Variants in ATP9A observed in about 807,000 individuals in gnomAD.
ATP9A encodes probable phospholipid-transporting ATPase IIA.
Under a neutral mutation model 144.1 loss-of-function variants are expected in ATP9A, and 52 were observed. The observed-to-expected ratio is 0.36, with a 90% CI of 0.29 to 0.45. ATP9A has a LOEUF of 0.45. Ranked by LOEUF, ATP9A falls within the 20% of genes least tolerant of loss-of-function variation. The pLI is 1.00. For missense variants in ATP9A, 947 were observed against 1,392.7 expected, an observed-to-expected ratio of 0.68 and a Z score of 5.09; for synonymous variants, 582 against 557.4, an observed-to-expected ratio of 1.04 and a Z score of -0.62.
intron 14 of ATP9A, among the ~76,000 whole-genome samples, chr20:51,656,210 TG>T (rs2077386129): frequency 1.9e-5 from 2 of 107,024 alleles, no homozygotes; most frequent in Admixed American, 2.1e-4. Flanking sequence ...TTGATTGTGA[TG>T]ATGGTTGCAA....
chr20:51,761,185 G>GA (rs2077878826), intron 1 of ATP9A, among the ~76,000 whole-genome samples: 1 of 152,142 alleles, frequency 6.6e-6, no homozygotes, highest in South Asian at 2.1e-4. Flanking sequence ...CATGAAAGAG[G>GA]AAACATGAGT....
chr20:51,760,610 C>A (rs971574477), intron 1 of ATP9A, among the ~76,000 whole-genome samples: 2 of 151,890 alleles, frequency 1.3e-5, no homozygotes, highest in Non-Finnish European at 2.9e-5. Context: ...ATGTGTAATC[C>A]CAGCTACTTG....
At position 51,768,358 on chromosome 20, in the gene ATP9A, G is replaced by A. The variant is rs1402237596; in HGVS notation, c.12C>T (p.Asn4=). The A allele has an allele frequency of 7.0e-6, 9 of 1,287,066 alleles. No homozygotes were observed. Among genetic ancestry groups the A allele is most frequent in the Non-Finnish European group, 8.9e-6 (9 of 1,007,032 alleles). The allele number at this position is 1,287,066 out of a possible 1,614,324, so 79.7% of individuals were successfully genotyped here. A position where few individuals can be genotyped will look rare whatever the true frequency, so the allele number is the denominator to read the frequency against. Residue 4 remains asparagine, a synonymous_variant, in exon 1 of 28, where the codon AAC becomes AAT. Transcript: ENST00000338821. ...TCTGGCGCACCGGCTGCAGCGGGAT[G>A]TTGTCCGTCATGTCGGCGGCGCCGC... The part of the protein sequence containing the change: MTD[N]IPLQPVRQKK...
chr20:51,652,281 C>T (rs548313457), intron 14 of ATP9A, among the ~76,000 whole-genome samples: 1 of 152,188 alleles, frequency 6.6e-6, no homozygotes, highest in Non-Finnish European at 1.5e-5. Context: ...AGGCTGTAAT[C>T]GATAGCTGAA....
At chr20:51,608,062 AATTAAC>A (rs2077170726) in intron 25 of ATP9A, among the ~76,000 whole-genome samples, 1 of 148,462 alleles carries the variant, frequency 6.7e-6, no homozygotes, top group African/African-American at 2.4e-5. Flanking sequence ...AAAAAAAAAG[AATTAAC>A]ATTAAAATTA....
At chr20:51,698,328 A>AGCCTGGCCACATGTCAAAACC (rs2077579036) in intron 4 of ATP9A, among the ~76,000 whole-genome samples, 1 of 152,248 alleles carries the variant, frequency 6.6e-6, no homozygotes, top group Non-Finnish European at 1.5e-5. Context: ...GTTCCAAACC[A>AGCCTGGCCACATGTCAAAACC]GCCTGGCCAC....
intron 4 of ATP9A, among the ~76,000 whole-genome samples, chr20:51,698,499 AAC>A (rs1356440890): frequency 6.6e-6 from 1 of 152,184 alleles, no homozygotes; most frequent in Admixed American, 6.5e-5. Context: ...CGGCCTGGGC[AAC>A]AGTGAGACCC....
chr20:51,675,264 G>A (rs1246192508), intron 10 of ATP9A, among the ~76,000 whole-genome samples: 1 of 152,190 alleles, frequency 6.6e-6, no homozygotes. Flanking sequence ...TGGCTGTAAC[G>A]TCTAATGGTG....
At position 51,699,930 on chromosome 20, in the gene ATP9A, T is replaced by C. The variant is rs1601113130; in HGVS notation, c.437-2448A>G. Among the ~76,000 whole-genome samples the C allele has an allele frequency of 1.3e-5, 2 of 152,022 alleles. 1 individual carries two copies. Among genetic ancestry groups the C allele is most frequent in the South Asian group, 4.2e-4 (2 of 4,772 alleles). Reference sequence around the variant, plus strand: ...TGCTGGGATTACAGGCATGAGCCACTGCGCCCGGCCAACACTACTGACTTC... The same window carrying C: ...TGCTGGGATTACAGGCATGAGCCACCGCGCCCGGCCAACACTACTGACTTC... On this transcript the variant is annotated intron_variant, in intron 4 of 27. Coordinates refer to ENST00000338821, the MANE Select transcript of ATP9A (RefSeq NM_006045.3).
intron 27 of ATP9A, among the ~76,000 whole-genome samples, chr20:51,603,073 AT>A (rs11349706): frequency 0.43 from 64,726 of 151,834 alleles, 14,050 homozygotes; most frequent in South Asian, 0.58. Flanking sequence ...GGGGGTTGTC[AT>A]TAACTGAAAG....
At chr20:51,621,486 C>T (rs192123458) in intron 19 of ATP9A, among the ~76,000 whole-genome samples, 3 of 152,226 alleles carry the variant, frequency 2.0e-5, no homozygotes, top group Admixed American at 1.3e-4. Context: ...CCCCCTACCT[C>T]CCCAATGCAA....
chr20:51,646,079 T>C (rs985734629), intron 14 of ATP9A, among the ~76,000 whole-genome samples: 1 of 152,222 alleles, frequency 6.6e-6, no homozygotes, highest in Non-Finnish European at 1.5e-5. Context: ...CTCAGGAGTC[T>C]GTTGTGTTTT....
At chr20:51,613,615 G>T in intron 23 of ATP9A, 62 bp downstream of exon 23, 2 of 1,501,436 alleles carry the variant, frequency 1.3e-6, no homozygotes, top group South Asian at 1.3e-5. Context: ...GGGAGCAGCT[G>T]CCCACCCACC....
At position 51,658,048 on chromosome 20, in the gene ATP9A, C is replaced by T. The variant is rs116319211; in HGVS notation, c.1294-898G>A. 1.6e-4 allele frequency among the ~76,000 whole-genome samples: 24 copies of T among 152,326 alleles called. 1 individual carries two copies. The highest frequency in any genetic ancestry group is 5.5e-4 in the African/African-American group (23 of 41,582). The stretch of plus-strand genomic sequence containing the variant: ...TAAGTCTTGGAAAAATGGTTTTGAG[C>T]AACATGGTAAAAAGAGCACTGAAGG... On this transcript the variant is annotated intron_variant, in intron 13 of 27. Coordinates refer to ENST00000338821, the MANE Select transcript of ATP9A (RefSeq NM_006045.3).
At chr20:51,743,122 G>A (rs1402199168) in intron 1 of ATP9A, among the ~76,000 whole-genome samples, 2 of 152,160 alleles carry the variant, frequency 1.3e-5, no homozygotes, top group African/African-American at 2.4e-5. Context: ...CCTCCCTACT[G>A]AGGAGTGGAT....
At chr20:51,757,741 T>TA (rs960814596) in intron 1 of ATP9A, among the ~76,000 whole-genome samples, 16 of 151,936 alleles carry the variant, frequency 1.1e-4, no homozygotes, top group East Asian at 1.9e-4. Context: ...CCCATCTCTA[T>TA]AAAAAAATAC....
chr20:51,720,744 G>A (rs550690570), intron 3 of ATP9A, among the ~76,000 whole-genome samples: 2 of 152,282 alleles, frequency 1.3e-5, no homozygotes, highest in African/African-American at 4.8e-5. Context: ...TGAGGCATGA[G>A]AATCGTTTGA....
At chr20:51,626,717 G>A (rs2426315) in intron 17 of ATP9A, among the ~76,000 whole-genome samples, 75,580 of 151,220 alleles carry the variant, frequency 0.5, 19,356 homozygotes, top group East Asian at 0.68. Context: ...AAATTTTCCC[G>A]AAGGCATACC....
At chr20:51,761,684 C>T (rs1011886732) in intron 1 of ATP9A, among the ~76,000 whole-genome samples, 6 of 151,640 alleles carry the variant, frequency 4.0e-5, no homozygotes, top group Non-Finnish European at 7.4e-5. Context: ...GGCGCGAACC[C>T]GGAAGGCGGA....
Sources: allele counts gnomAD v4.1 joint callset (sites outside exome capture counted in the v4.1 genomes callset), GRCh38; gene constraint gnomAD v4.1.1; transcripts MANE v1.5; gene names NCBI Gene and HGNC (gene_info 2026-07-23, HGNC 2026-07-21).